ERGIC2: variants seen among roughly 807,000 people sequenced by gnomAD.
ERGIC2 encodes the protein endoplasmic reticulum-Golgi intermediate compartment protein 2.
ERGIC2 carries 31 observed loss-of-function variants against 52.5 expected under a neutral mutation model. That is an observed-to-expected ratio of 0.59 (90% CI 0.44 to 0.80). The LOEUF (loss-of-function observed/expected upper bound fraction) is 0.80. Ranked by LOEUF, ERGIC2 falls within the 30% of genes least tolerant of loss-of-function variation. The pLI is 0.00. For synonymous variants in ERGIC2, 129 were observed against 140.6 expected, an observed-to-expected ratio of 0.92 and a Z score of 0.58; for missense variants, 395 against 455.2, an observed-to-expected ratio of 0.87 and a Z score of 1.20.
chr12:29,380,966 G>C (rs1442194106), intron 1 of ERGIC2, 149 bp downstream of exon 1: 1 of 152,240 alleles, frequency 6.6e-6, no homozygotes, highest in Non-Finnish European at 1.5e-5. Flanking sequence ...GAGGTGGAGC[G>C]GCTTCTCCGT....
rs1382904310 is a variant in ERGIC2 at position 29,371,611 on chromosome 12, T to A, written c.23A>T (p.Lys8Ile). Residue 8 changes from lysine to isoleucine, a missense_variant, in exon 2 of 14, where the codon AAA becomes ATA. Transcript: ENST00000360150. MRRLNRK[K>I]TLSLVKELDA... is the part of the protein sequence containing the mutation. ...CAACTCTTTTACCAAACTTAAAGTTTTTTTCCGATTCAGTCGCCTCATCTT... is the reference window on the plus strand; with the variant it reads ...CAACTCTTTTACCAAACTTAAAGTTATTTTCCGATTCAGTCGCCTCATCTT... 2 of 1,613,534 alleles carry A rather than the reference T, an allele frequency of 1.2e-6. No homozygotes were observed. Among genetic ancestry groups the A allele is most frequent in the Non-Finnish European group, 1.7e-6 (2 of 1,179,698 alleles).
chr12:29,370,029 G>A (rs1940419090), intron 3 of ERGIC2, 85 bp downstream of exon 3: 2 of 1,249,666 alleles, frequency 1.6e-6, no homozygotes, highest in Admixed American at 4.0e-5. Flanking sequence ...AATCTAGAAG[G>A]TTAGACTTTT....
At position 29,345,474 on chromosome 12, in the gene ERGIC2, G is replaced by A. The variant is rs1367619795; in HGVS notation, c.794C>T (p.Ala265Val). 1 of 1,598,000 alleles carries A rather than the reference G, an allele frequency of 6.3e-7. No homozygotes were observed. Among genetic ancestry groups the A allele is most frequent in the Admixed American group, 1.7e-5 (1 of 59,936 alleles). ...PTKLHTYKIS[A>V]DTHQFSVTER... ...TGTCACAGAAAACTGATGGGTGTCTGCTGATATTTTATATGTATGTAGTTT... is the reference window on the plus strand; with the variant it reads ...TGTCACAGAAAACTGATGGGTGTCTACTGATATTTTATATGTATGTAGTTT... Residue 265 changes from alanine (A) to valine (V), a missense_variant, in exon 11 of 14, where the codon GCA (alanine) becomes GTA (valine). By Grantham distance (64) the Ala-to-Val change is moderately conservative (BLOSUM62 0). Transcript: ENST00000360150.
intron 8 of ERGIC2, among the ~76,000 whole-genome samples, chr12:29,355,093 G>A (rs1415747821): frequency 1.3e-5 from 2 of 152,110 alleles, no homozygotes; most frequent in Admixed American, 1.3e-4. Flanking sequence ...CTTTCCTGCT[G>A]TATGCCCTTC....
chr12:29,365,735 C>T (rs1591996957), intron 5 of ERGIC2, among the ~76,000 whole-genome samples: 1 of 148,620 alleles, frequency 6.7e-6, no homozygotes, highest in African/African-American at 2.5e-5. Context: ...AAATGTAATA[C>T]AAATATTAAA....
intron 8 of ERGIC2, among the ~76,000 whole-genome samples, chr12:29,350,459 T>G (rs75237778): frequency 3.1e-3 from 479 of 152,214 alleles, no homozygotes; most frequent in African/African-American, 0.011. Flanking sequence ...GGGTTTGGAA[T>G]GTTCCCTATT....
Position 29,357,687 on chromosome 12 carries a change from G to T in ERGIC2, c.412C>A (p.His138Asn). Reference protein sequence around the residue: ...QLIQSRLQEEHSLQDVIFKSA... With the variant: ...QLIQSRLQEENSLQDVIFKSA... The stretch of plus-strand genomic sequence containing the variant: ...TTAAATATCACATCTTGAAGTGAAT[G>T]CTCTTCTTGTAGCCTACTCTGAATC... The change falls in exon 7 of 14, where the codon CAT (histidine) becomes AAT (asparagine). Residue 138 changes from histidine (H) to asparagine (N), a missense_variant. By Grantham distance (68) the His-to-Asn change is moderately conservative. Transcript: ENST00000360150. The T allele has an allele frequency of 6.2e-7, 1 of 1,608,840 alleles. No individual in the cohort carries two copies. Among genetic ancestry groups the T allele is most frequent in the Non-Finnish European group, 8.5e-7 (1 of 1,175,696 alleles).
intron 10 of ERGIC2, among the ~76,000 whole-genome samples, chr12:29,346,593 T>C (rs751133971): frequency 1.6e-4 from 24 of 152,142 alleles, no homozygotes; most frequent in Non-Finnish European, 2.6e-4. Context: ...AGATATACAC[T>C]AAACCAAAAT....
At chr12:29,376,950 T>C in intron 1 of ERGIC2, among the ~76,000 whole-genome samples, 1 of 152,188 alleles carries the variant, frequency 6.6e-6, no homozygotes, top group Admixed American at 6.5e-5. Flanking sequence ...CTTTCCTTTA[T>C]GAAATGATAA....
intron 8 of ERGIC2, among the ~76,000 whole-genome samples, chr12:29,352,058 TTAACATAG>T: frequency 6.6e-6 from 1 of 152,298 alleles, no homozygotes; most frequent in East Asian, 1.9e-4. Flanking sequence ...TTTCTTTTTT[TTAACATAG>T]TAATACAATA....
rs191710836 is a variant in ERGIC2 at position 29,360,999 on chromosome 12, C to A, written c.374+646G>T. 2.5e-3 allele frequency among the ~76,000 whole-genome samples: 387 copies of A among 152,258 alleles called. 5 individuals are homozygous for A. The highest frequency in any genetic ancestry group is 2.1e-3 in the South Asian group (10 of 4,824). On this transcript the variant is annotated intron_variant, in intron 6 of 13. Transcript: ENST00000360150. ...CAGTGGCTCATGCCTGTAATCCCAG[C>A]CCTCTGGGAGGCCAACATGGGCGGA...
At chr12:29,352,721 A>C (rs1485126351) in intron 8 of ERGIC2, among the ~76,000 whole-genome samples, 2 of 152,150 alleles carry the variant, frequency 1.3e-5, no homozygotes, top group African/African-American at 4.8e-5. Context: ...TAGCTCATGA[A>C]CCATACAAAA....
In ERGIC2 at chr12:29,345,360, C is replaced by G. The variant is rs922213534; in HGVS notation, c.825+83G>C. 26 of 745,230 alleles carry G rather than the reference C, an allele frequency of 3.5e-5. No individual in the cohort carries two copies. In the African/African-American group the frequency reaches 3.9e-4, roughly 11 times the overall value. The allele number at this position is 745,230 out of a possible 1,614,324, so 46.2% of individuals were successfully genotyped here. A position where few individuals can be genotyped will look rare whatever the true frequency, so the allele number is the denominator to read the frequency against. Reference sequence around the variant, plus strand: ...ATGAGGGAAGACACCAAGTAAAACACCACCTTATTTTGTAGCCAGGAAACT... The same window carrying G: ...ATGAGGGAAGACACCAAGTAAAACAGCACCTTATTTTGTAGCCAGGAAACT... On this transcript the variant is annotated intron_variant, in intron 11 of 13. Coordinates refer to ENST00000360150, the MANE Select transcript of ERGIC2 (RefSeq NM_016570.3).
At chr12:29,352,001 A>C (rs1940139045) in intron 8 of ERGIC2, among the ~76,000 whole-genome samples, 1 of 152,222 alleles carries the variant, frequency 6.6e-6, no homozygotes, top group Non-Finnish European at 1.5e-5. Context: ...TTGATCAAAT[A>C]ATCCATGGTA....
chr12:29,353,663 A>C (rs1017853653), intron 8 of ERGIC2, among the ~76,000 whole-genome samples: 1 of 151,772 alleles, frequency 6.6e-6, no homozygotes, highest in Non-Finnish European at 1.5e-5. Context: ...TACTTCAATG[A>C]TCTCTCTCAC....
At chr12:29,373,131 A>G (rs1940466938) in intron 1 of ERGIC2, among the ~76,000 whole-genome samples, 1 of 152,178 alleles carries the variant, frequency 6.6e-6, no homozygotes, top group Admixed American at 6.5e-5. Context: ...TTAAAAGTAG[A>G]TCATGAATTT....
At chr12:29,368,854 G>A (rs569732615) in intron 3 of ERGIC2, among the ~76,000 whole-genome samples, 4 of 151,852 alleles carry the variant, frequency 2.6e-5, no homozygotes, top group South Asian at 2.1e-4. Flanking sequence ...TGGAAACTAG[G>A]TCTATGTAAC....
chr12:29,378,269 C>G (rs1940541009), intron 1 of ERGIC2, among the ~76,000 whole-genome samples: 1 of 152,054 alleles, frequency 6.6e-6, no homozygotes, highest in African/African-American at 2.4e-5. Context: ...CAAGGATTGC[C>G]CAGAAGCCAG....
In ERGIC2 at chr12:29,340,789, G is replaced by GTTT. The variant is rs748465306; in HGVS notation, c.*364_*366dup. 5 of 340,982 alleles carry GTTT rather than the reference G, an allele frequency of 1.5e-5. No individual in the cohort carries two copies. Among genetic ancestry groups the GTTT allele is most frequent in the South Asian group, 7.2e-5 (3 of 41,642 alleles). 21.1% of individuals were successfully genotyped at this position (340,982 alleles called of 1,614,324 possible). On this transcript the variant is annotated 3_prime_UTR_variant, in exon 14 of 14. Transcript: ENST00000360150. ...GATGCGAACATTTGCACTTCTCAAT[G>GTTT]TTTTTTTTTTTCCCATAGATGTAGT...
Sources: allele counts gnomAD v4.1 joint callset (sites outside exome capture counted in the v4.1 genomes callset), GRCh38; gene constraint gnomAD v4.1.1; transcripts MANE v1.5; gene names NCBI Gene and HGNC (gene_info 2026-07-23, HGNC 2026-07-21).